The following C3orf70 variants were observed in gnomAD, a reference collection of about 807,000 sequenced individuals.
C3orf70 encodes chromosome 3 open reading frame 70.
Under a neutral mutation model 20.7 loss-of-function variants are expected in C3orf70, and 15 were observed. That is an observed-to-expected ratio of 0.72 (90% confidence interval 0.48 to 1.11). The LOEUF is 1.11. Ranked by LOEUF, C3orf70 falls within the 50% of genes most tolerant of loss-of-function variation. The pLI, the probability that C3orf70 is intolerant of heterozygous loss-of-function variation, is 0.00. For missense variants in C3orf70, 332 were observed against 317.6 expected (o/e 1.05, Z -0.34); for synonymous variants, 161 against 125.7 (o/e 1.28, Z -1.88).
chr3:185,110,193 T>G (rs1716041342), intron 1 of C3orf70, among the ~76,000 whole-genome samples: 1 of 152,156 alleles, frequency 6.6e-6, no homozygotes, highest in Admixed American at 6.5e-5. Flanking sequence ...AAGATCAAAA[T>G]TTGGTAAAGA....
intron 1 of C3orf70, among the ~76,000 whole-genome samples, chr3:185,115,800 G>A (rs1161077609): frequency 6.6e-6 from 1 of 152,196 alleles, no homozygotes; most frequent in Non-Finnish European, 1.5e-5. Flanking sequence ...CTGGACTGCA[G>A]ATCATTGACT....
intron 1 of C3orf70, among the ~76,000 whole-genome samples, chr3:185,122,848 T>C (rs1322481353): frequency 1.3e-5 from 2 of 151,944 alleles, no homozygotes; most frequent in African/African-American, 2.4e-5. Context: ...CTTCCGCTCC[T>C]TGGACATCAA....
At chr3:185,094,074 G>GTTTTTTTTTTT (rs71162282) in intron 1 of C3orf70, among the ~76,000 whole-genome samples, 6 of 80,650 alleles carry the variant, frequency 7.4e-5, no homozygotes, top group African/African-American at 2.0e-4. Context: ...ATACCCTGGG[G>GTTTTTTTTTTT]TTTTTTTTTT....
At chr3:185,136,654 G>A (rs1030926824) in intron 1 of C3orf70, among the ~76,000 whole-genome samples, 61 of 152,298 alleles carry the variant, frequency 4.0e-4, no homozygotes, top group African/African-American at 1.4e-3. Flanking sequence ...AACCCGGGAG[G>A]CGGAGCTTGC....
Position 185,079,876 on chromosome 3 carries a change from A to C in C3orf70, c.*3131T>G, listed in dbSNP as rs2108584040. ...AAGTGTTAACCACTTCATGTGACTG[A>C]GTTCAATGTTATAGTGCATGTTGCA... On this transcript the variant is annotated 3_prime_UTR_variant, in exon 2 of 2. Coordinates refer to ENST00000335012, the MANE Select transcript of C3orf70 (RefSeq NM_001025266.3). The C allele has an allele frequency of 6.5e-6, 1 of 152,814 alleles. No homozygotes were observed. The highest frequency in any genetic ancestry group is 1.9e-4 in the East Asian group (1 of 5,186). The allele number at this position is 152,814 out of a possible 1,614,324, so 9.5% of individuals were successfully genotyped here.
rs1561330980 is a variant in C3orf70, at chr3:185,091,949, ATATATATATATATATTTTTTTTT to A, written c.197-8409_197-8387del. On this transcript the variant is annotated intron_variant, in intron 1 of 1. Transcript: ENST00000335012. The stretch of plus-strand genomic sequence containing the variant: ...TATATATATATATATATATATATAT[ATATATATATATATATTTTTTTTT>A]TTTTTTAGTAGAGACAGGGTTTCAC... Among the ~76,000 whole-genome samples, 44 of 8,142 alleles carry A rather than the reference ATATATATATATATATTTTTTTTT, an allele frequency of 5.4e-3. 1 individual carries two copies. The highest frequency in any genetic ancestry group is 0.029 in the African/African-American group (43 of 1,476). The allele number at this position is 8,142 out of a possible 152,430, so 5.3% of individuals were successfully genotyped here.
At chr3:185,114,762 G>A (rs750463669) in intron 1 of C3orf70, among the ~76,000 whole-genome samples, 16 of 152,154 alleles carry the variant, frequency 1.1e-4, no homozygotes, top group East Asian at 9.6e-4. Flanking sequence ...GGAAAATGAG[G>A]CCGAATGACT....
intron 1 of C3orf70, among the ~76,000 whole-genome samples, chr3:185,086,006 A>AT (rs1420050047): frequency 6.6e-6 from 1 of 152,142 alleles, no homozygotes; most frequent in Non-Finnish European, 1.5e-5. Context: ...GTATATGCTG[A>AT]TTAGGTTCAT....
intron 1 of C3orf70, among the ~76,000 whole-genome samples, chr3:185,095,109 CTTT>C (rs1186205944): frequency 6.6e-6 from 1 of 152,150 alleles, no homozygotes; most frequent in Non-Finnish European, 1.5e-5. Context: ...TTCTTAATGT[CTTT>C]CATTTTCATT....
chr3:185,152,379 T>TA (rs1213171415), intron 1 of C3orf70, among the ~76,000 whole-genome samples: 1 of 152,138 alleles, frequency 6.6e-6, no homozygotes. Flanking sequence ...CTCCCTTTTG[T>TA]AGAAGTAGCT....
intron 1 of C3orf70, among the ~76,000 whole-genome samples, chr3:185,144,205 T>G (rs1182439478): frequency 6.6e-6 from 1 of 152,206 alleles, no homozygotes; most frequent in Non-Finnish European, 1.5e-5. Flanking sequence ...AATTGCCGAC[T>G]TTGACAATCA....
At chr3:185,123,086 G>A (rs1014740460) in intron 1 of C3orf70, among the ~76,000 whole-genome samples, 1 of 148,606 alleles carries the variant, frequency 6.7e-6, no homozygotes, top group African/African-American at 2.5e-5. Context: ...GCTAAGGCAG[G>A]AGAATCGCTT....
chr3:185,125,261 C>T (rs1716382906), intron 1 of C3orf70, among the ~76,000 whole-genome samples: 1 of 152,002 alleles, frequency 6.6e-6, no homozygotes, highest in African/African-American at 2.4e-5. Context: ...TGCCTGTAAT[C>T]CCAGCTACTT....
intron 1 of C3orf70, among the ~76,000 whole-genome samples, chr3:185,138,259 AAACAAC>A (rs907917846): frequency 6.6e-6 from 1 of 152,112 alleles, no homozygotes; most frequent in East Asian, 1.9e-4. Context: ...TTAAACTCAA[AAACAAC>A]AACAACAAGA....
chr3:185,078,676 T>C lies in C3orf70; in HGVS notation c.*4331A>G, dbSNP rs537003842. 1 of 152,296 alleles carries C rather than the reference T, an allele frequency of 6.6e-6. No individual in the cohort carries two copies. Among genetic ancestry groups the C allele is most frequent in the African/African-American group, 2.4e-5 (1 of 41,554 alleles). The allele number at this position is 152,296 out of a possible 1,614,324, so 9.4% of individuals were successfully genotyped here. A position where few individuals can be genotyped will look rare whatever the true frequency, so the allele number is the denominator to read the frequency against. On this transcript the variant is annotated 3_prime_UTR_variant, in exon 2 of 2. Coordinates refer to ENST00000335012, the MANE Select transcript of C3orf70 (RefSeq NM_001025266.3). Reference sequence around the variant, plus strand: ...GGCCTCCTCAGTTCTGGTTCACACCTCCTCTGGAGAAGGGGACAGAAGAGA... The same window carrying C: ...GGCCTCCTCAGTTCTGGTTCACACCCCCTCTGGAGAAGGGGACAGAAGAGA...
chr3:185,145,858 GTTAT>G (rs1577336283), intron 1 of C3orf70, among the ~76,000 whole-genome samples: 2 of 152,228 alleles, frequency 1.3e-5, no homozygotes, highest in African/African-American at 4.8e-5. Context: ...CATGATGTGT[GTTAT>G]TTGTTATTGT....
At chr3:185,134,615 G>C (rs556260396) in intron 1 of C3orf70, among the ~76,000 whole-genome samples, 110 of 152,254 alleles carry the variant, frequency 7.2e-4, no homozygotes, top group African/African-American at 2.6e-3. Flanking sequence ...CAATGGACCA[G>C]GGAAGGAGCA....
intron 1 of C3orf70, among the ~76,000 whole-genome samples, chr3:185,110,185 G>C (rs760911015): frequency 3.9e-5 from 6 of 152,148 alleles, no homozygotes; most frequent in African/African-American, 1.2e-4. Flanking sequence ...CTCTTAATAA[G>C]ATCAAAATTT....
chr3:185,123,716 G>A (rs1178157013), intron 1 of C3orf70, among the ~76,000 whole-genome samples: 2 of 151,900 alleles, frequency 1.3e-5, no homozygotes, highest in African/African-American at 2.4e-5. Context: ...TACTATACCT[G>A]AATATTTATG....
Sources: allele counts gnomAD v4.1 joint callset (sites outside exome capture counted in the v4.1 genomes callset), GRCh38; gene constraint gnomAD v4.1.1; transcripts MANE v1.5; gene names NCBI Gene and HGNC (gene_info 2026-07-23, HGNC 2026-07-21).